The following ZNF117 variants were observed in gnomAD, a reference collection of about 807,000 sequenced individuals.
ZNF117 encodes the protein Krueppel-related zinc finger protein.
ZNF117 carries 37 observed loss-of-function variants against 41.2 expected under a neutral mutation model. That is an observed-to-expected ratio of 0.90 (90% CI 0.69 to 1.18). The LOEUF (loss-of-function observed/expected upper bound fraction) is 1.18, where lower values mean the gene tolerates loss of function less well. ZNF117 is among the 50% of genes most tolerant of loss of function. The probability of loss-of-function intolerance (pLI) is 0.00; values close to 1 mark genes in which losing one functional copy is unlikely to be tolerated. For synonymous variants in ZNF117, 186 were observed against 186.6 expected (o/e 1.00, Z 0.02); for missense variants, 546 against 557.5 (o/e 0.98, Z 0.21).
At chr7:64,989,443 TTATATATATATATATATATA>T (rs58009024) in intron 1 of ZNF117, among the ~76,000 whole-genome samples, 3,280 of 49,452 alleles carry the variant, frequency 0.066, 174 homozygotes, top group Admixed American at 0.087. Context: ...GAACTTAAAA[TTATATATATATATATATATA>T]TATATATATA....
At chr7:64,990,385 G>A (rs901109862) in exon 1 of ZNF117, 2 of 182,592 alleles carry the variant, frequency 1.1e-5, no homozygotes, top group African/African-American at 4.8e-5. Flanking sequence ...TTATTTAGGT[G>A]GCCACTGGCC....
At chr7:64,982,519 A>T (rs879516745), upstream of ZNF117, among the ~76,000 whole-genome samples, 17 of 152,246 alleles carry the variant, frequency 1.1e-4, no homozygotes, top group African/African-American at 3.4e-4. Context: ...GATAAACTTC[A>T]GATCTCGTTA....
intron 1 of ZNF117, among the ~76,000 whole-genome samples, chr7:64,987,197 T>G (rs1311003963): frequency 2.0e-5 from 3 of 152,148 alleles, no homozygotes; most frequent in African/African-American, 7.2e-5. Context: ...TCTGAATAAC[T>G]TTTGGGTAAA....
At chr7:64,981,322 G>C (rs1246247328) in intron 2 of ZNF117, 65 bp downstream of exon 3, 4 of 1,585,752 alleles carry the variant, frequency 2.5e-6, no homozygotes, top group Non-Finnish European at 3.5e-6. Context: ...CACATTTTAA[G>C]CTGTGGCCTT....
At chr7:64,981,597 T>A in intron 1 of ZNF117, 115 bp from the exon 3 acceptor site, 2 of 924,174 alleles carry the variant, frequency 2.2e-6, no homozygotes, top group South Asian at 3.9e-5. Context: ...AATCCCCAAA[T>A]GCTAATTTAT....
At chr7:64,989,399 A>T (rs1287653433) in intron 1 of ZNF117, among the ~76,000 whole-genome samples, 1 of 139,846 alleles carries the variant, frequency 7.2e-6, no homozygotes, top group Non-Finnish European at 1.5e-5. Flanking sequence ...GATATATAAA[A>T]ATCAATTCAA....
chr7:64,973,256 T>C (rs1785810719), downstream of ZNF117: 1 of 152,000 alleles, frequency 6.6e-6, no homozygotes, highest in Admixed American at 6.6e-5. Flanking sequence ...AATTTCACAT[T>C]TAAAAATAAA....
chr7:64,978,717 G>A, exon 3 of ZNF117: 2 of 1,612,834 alleles, frequency 1.2e-6, no homozygotes, highest in South Asian at 1.1e-5. Flanking sequence ...CTGGTTAAAG[G>A]CTTTACCACA....
At chr7:64,973,296 A>G (rs1030002768), downstream of ZNF117, 2 of 152,032 alleles carry the variant, frequency 1.3e-5, no homozygotes, top group African/African-American at 4.8e-5. Flanking sequence ...ATGTTATGCT[A>G]TATCATAGAA....
rs1361816962 is a variant in ZNF117 at position 64,989,468 on chromosome 7, T to C, written c.-196+479A>G. ...TTATATATATATATATATATATATA[T>C]ATATATATATATATATATATATATA... On this transcript the variant is annotated intron_variant, in intron 1 of 3. Transcript: ENST00000282869. Among the ~76,000 whole-genome samples the C allele has an allele frequency of 3.0e-5, 3 of 99,680 alleles. 1 individual carries two copies. The highest frequency in any genetic ancestry group is 2.9e-4 in the Admixed American group (3 of 10,236). The allele number at this position is 99,680 out of a possible 152,430, so 65.4% of individuals were successfully genotyped here.
chr7:64,978,174 ATTATC>A lies in ZNF117; in HGVS notation c.1392_1396del (p.Lys464AsnfsTer4), dbSNP rs1785931775. The A allele has an allele frequency of 6.2e-7, 1 of 1,612,274 alleles. No individual in the cohort carries two copies. Among genetic ancestry groups the A allele is most frequent in the Non-Finnish European group, 8.5e-7 (1 of 1,179,484 alleles). ...TTTGTACTGTTTCTCTTCAGTATGA[ATTATC>A]TTATGTGTAGTAAGTGTTGAAGATT... On this transcript the variant is annotated frameshift_variant, in exon 3 of 3. Coordinates refer to ENST00000620222, the Ensembl canonical transcript of ZNF117. LOFTEE classifies it high-confidence loss of function.
intron 1 of ZNF117, among the ~76,000 whole-genome samples, chr7:64,989,483 AT>A (rs1786212642): frequency 4.4e-5 from 4 of 90,692 alleles, no homozygotes; most frequent in African/African-American, 6.8e-5. Context: ...ATATATATAT[AT>A]ATATATATAT....
chr7:64,990,738 A>G (rs1214900646), exon 1 of ZNF117: 1 of 152,860 alleles, frequency 6.5e-6, no homozygotes, highest in African/African-American at 2.4e-5. Flanking sequence ...CAAACAGGGA[A>G]ACTGATAAGG....
At chr7:64,986,589 A>G (rs767604741), upstream of ZNF117, among the ~76,000 whole-genome samples, 118 of 152,296 alleles carry the variant, frequency 7.7e-4, 1 homozygote, top group Non-Finnish European at 1.5e-3. Context: ...TTTAACAGAA[A>G]CACCTTAGGG....
At position 64,979,378 on chromosome 7, in the gene ZNF117, C is replaced by A. The variant is rs373033233; in HGVS notation, c.193G>T (p.Asp65Tyr). 1.7e-5 allele frequency: 28 copies of A among 1,606,254 alleles called. No individual in the cohort carries two copies. The highest frequency in any genetic ancestry group is 2.2e-5 in the Non-Finnish European group (26 of 1,176,638). Residue 65 changes from aspartate (D) to tyrosine (Y), a missense_variant, in exon 3 of 3, where the codon GAT becomes TAT. Coordinates refer to ENST00000620222, the Ensembl canonical transcript of ZNF117. ...AAACATTGGTTAAGTCCACTATAAT[C>A]TCCTTTGTGCTGTTTACACTCAACC...
chr7:64,986,545 G>A (rs1035217108), upstream of ZNF117, among the ~76,000 whole-genome samples: 10 of 152,142 alleles, frequency 6.6e-5, no homozygotes, highest in Admixed American at 6.6e-5. Context: ...AACGTGTAAA[G>A]ATAAGCCATC....
At chr7:64,989,483 ATATATATATATATAT>A (rs1562649437) in intron 1 of ZNF117, among the ~76,000 whole-genome samples, 29 of 90,684 alleles carry the variant, frequency 3.2e-4, no homozygotes, top group Non-Finnish European at 3.9e-4. Flanking sequence ...ATATATATAT[ATATATATATATATAT>A]AAAACCTGAA....
At chr7:64,983,403 T>C (rs1272540452), upstream of ZNF117, among the ~76,000 whole-genome samples, 2 of 152,202 alleles carry the variant, frequency 1.3e-5, no homozygotes, top group Non-Finnish European at 2.9e-5. Flanking sequence ...GCCTCTGGTA[T>C]GTAGGAAAAA....
chr7:64,981,321 A>C, intron 2 of ZNF117, 66 bp downstream of exon 3: 1 of 1,586,020 alleles, frequency 6.3e-7, no homozygotes, highest in Non-Finnish European at 8.6e-7. Flanking sequence ...TCACATTTTA[A>C]GCTGTGGCCT....
Sources: allele counts gnomAD v4.1 joint callset (sites outside exome capture counted in the v4.1 genomes callset), GRCh38; gene constraint gnomAD v4.1.1; transcripts MANE v1.5; gene names NCBI Gene and HGNC (gene_info 2026-07-23, HGNC 2026-07-21).